EIF5A2: variants seen among roughly 807,000 people sequenced by gnomAD.
The protein encoded by EIF5A2 is eukaryotic translation initiation factor 5A-2.
A neutral mutation model predicts 16.4 loss-of-function variants in EIF5A2; 15 were observed. The observed-to-expected ratio is 0.92, with a 90% confidence interval of 0.61 to 1.41. The LOEUF (loss-of-function observed/expected upper bound fraction) is 1.41. EIF5A2 is among the 40% of genes most tolerant of loss of function. The probability of loss-of-function intolerance (pLI) is 0.00; values close to 1 mark genes in which losing one functional copy is unlikely to be tolerated. For missense variants in EIF5A2, 144 were observed against 189.5 expected, an observed-to-expected ratio of 0.76 and a Z score of 1.41; for synonymous variants, 48 against 61.1, an observed-to-expected ratio of 0.79 and a Z score of 1.00.
intron 3 of EIF5A2, among the ~76,000 whole-genome samples, chr3:170,901,774 T>G (rs186494654): frequency 6.6e-6 from 1 of 152,310 alleles, no homozygotes; most frequent in African/African-American, 2.4e-5. Flanking sequence ...TGAATTTAAT[T>G]TTGTTTCTCA....
In EIF5A2 at chr3:170,891,858, T is replaced by C. The variant is rs1461570930; in HGVS notation, c.*1502A>G. 6.6e-6 allele frequency: 1 copy of C among 152,586 alleles called. No individual in the cohort carries two copies. The highest frequency in any genetic ancestry group is 6.5e-5 in the Admixed American group (1 of 15,274). The allele number at this position is 152,586 out of a possible 1,614,324, so 9.5% of individuals were successfully genotyped here. ...AGAAATGCAGTGGTGTCACCTAAAA[T>C]ACCTTTTAAAATAATTCAGTTTATA... On this transcript the variant is annotated 3_prime_UTR_variant, in exon 5 of 5. Coordinates refer to ENST00000295822, the MANE Select transcript of EIF5A2 (RefSeq NM_020390.6).
rs144235995 is a variant in EIF5A2 at position 170,889,522 on chromosome 3, G to C, written c.*3838C>G. The stretch of plus-strand genomic sequence containing the variant: ...GTCTGAATGTTAGCAGAAAAAAAAG[G>C]CTTGAAAACTATGAAATATTATGCC... On this transcript the variant is annotated 3_prime_UTR_variant, in exon 5 of 5. Coordinates refer to ENST00000295822, the MANE Select transcript of EIF5A2 (RefSeq NM_020390.6). 10 of 152,306 alleles carry C rather than the reference G, an allele frequency of 6.6e-5. No homozygotes were observed. Among genetic ancestry groups the C allele is most frequent in the Non-Finnish European group, 1.0e-4 (7 of 67,946 alleles). 9.4% of individuals were successfully genotyped at this position (152,306 alleles called of 1,614,324 possible).
At chr3:170,893,953 C>T (rs1712600996) in intron 4 of EIF5A2, among the ~76,000 whole-genome samples, 2 of 152,058 alleles carry the variant, frequency 1.3e-5, no homozygotes, top group South Asian at 2.1e-4. Flanking sequence ...ATCGCTTGAA[C>T]CTGGGACGCG....
chr3:170,889,035 T>C lies in EIF5A2; in HGVS notation c.*4325A>G, dbSNP rs913354876. 3.0e-5 allele frequency: 4 copies of C among 133,418 alleles called. No homozygotes were observed. The highest frequency in any genetic ancestry group is 4.7e-5 in the Non-Finnish European group (3 of 63,354). 8.3% of individuals were successfully genotyped at this position (133,418 alleles called of 1,614,324 possible). ...AACAGTTTTAGGGACTTCATATAAA[T>C]ACAATAACCTGTCTTTTTTTTTTTT... On this transcript the variant is annotated 3_prime_UTR_variant, in exon 5 of 5. Transcript: ENST00000295822.
Position 170,888,953 on chromosome 3 carries a change from G to GT in EIF5A2, c.*4406dup, listed in dbSNP as rs145717207. On this transcript the variant is annotated 3_prime_UTR_variant, in exon 5 of 5. Coordinates refer to ENST00000295822, the MANE Select transcript of EIF5A2 (RefSeq NM_020390.6). Reference sequence around the variant, plus strand: ...CGGTCATTGCTGAAAATAGTCCAGAGTTTTTTAAAAAGTGCAATCTTGAAC... The same window carrying GT: ...CGGTCATTGCTGAAAATAGTCCAGAGTTTTTTTAAAAAGTGCAATCTTGAAC... The GT allele has an allele frequency of 1.4e-5, 2 of 147,738 alleles. No individual in the cohort carries two copies. The highest frequency in any genetic ancestry group is 2.1e-4 in the East Asian group (1 of 4,844). 9.2% of individuals were successfully genotyped at this position (147,738 alleles called of 1,614,324 possible). A position where few individuals can be genotyped will look rare whatever the true frequency, so the allele number is the denominator to read the frequency against.
Position 170,892,711 on chromosome 3 carries a change from A to T in EIF5A2, c.*649T>A. Reference sequence around the variant, plus strand: ...TAATCTTACTTGCTAACTAACTTTCACCCAACAGTTCAGTGCCCTTCTGCC... The same window carrying T: ...TAATCTTACTTGCTAACTAACTTTCTCCCAACAGTTCAGTGCCCTTCTGCC... On this transcript the variant is annotated 3_prime_UTR_variant, in exon 5 of 5. Coordinates refer to ENST00000295822, the MANE Select transcript of EIF5A2 (RefSeq NM_020390.6). 1 of 398,486 alleles carries T rather than the reference A, an allele frequency of 2.5e-6. No homozygotes were observed. Among genetic ancestry groups the T allele is most frequent in the East Asian group, 3.6e-5 (1 of 28,048 alleles). The allele number at this position is 398,486 out of a possible 1,614,324, so 24.7% of individuals were successfully genotyped here.
intron 3 of EIF5A2, among the ~76,000 whole-genome samples, chr3:170,900,759 C>T (rs552877987): frequency 6.6e-6 from 1 of 151,994 alleles, no homozygotes; most frequent in Non-Finnish European, 1.5e-5. Context: ...AATACACCCA[C>T]CCCCGCTACA....
In EIF5A2 at chr3:170,889,701, A is replaced by G. The variant is rs1712483377; in HGVS notation, c.*3659T>C. The G allele has an allele frequency of 6.6e-6, 1 of 152,550 alleles. No individual in the cohort carries two copies. The highest frequency in any genetic ancestry group is 2.4e-5 in the African/African-American group (1 of 41,452). The allele number at this position is 152,550 out of a possible 1,614,324, so 9.4% of individuals were successfully genotyped here. On this transcript the variant is annotated 3_prime_UTR_variant, in exon 5 of 5. Transcript: ENST00000295822. ...ACAGAATTCAGTATGTAAACATTTC[A>G]GTGTACCCAAAAAAGCATTATGAAT... is the stretch of plus-strand genomic sequence containing the variant.
intron 3 of EIF5A2, among the ~76,000 whole-genome samples, chr3:170,899,927 T>C (rs1485404218): frequency 6.6e-6 from 1 of 150,758 alleles, no homozygotes; most frequent in Non-Finnish European, 1.5e-5. Flanking sequence ...TTAGATGTTT[T>C]TGAACATTTT....
At position 170,893,343 on chromosome 3, in the gene EIF5A2, A is replaced by T; in HGVS notation, c.*17T>A. The T allele has an allele frequency of 6.2e-7, 1 of 1,613,724 alleles. No individual in the cohort carries two copies. Among genetic ancestry groups the T allele is most frequent in the Non-Finnish European group, 8.5e-7 (1 of 1,179,844 alleles). The stretch of plus-strand genomic sequence containing the variant: ...GTTGATTCAGACATAAACAGTGTTC[A>T]TGCCTGATGTTTCCGTTTATTTGCA... On this transcript the variant is annotated 3_prime_UTR_variant, in exon 5 of 5. Transcript: ENST00000295822.
chr3:170,907,188 TTC>T, intron 2 of EIF5A2, 95 bp from the exon 3 acceptor site: 1 of 728,252 alleles, frequency 1.4e-6, no homozygotes, highest in South Asian at 2.6e-5. Context: ...TTACAACAGA[TTC>T]TTTTTCTCCT....
intron 3 of EIF5A2, among the ~76,000 whole-genome samples, chr3:170,902,564 C>T (rs544464754): frequency 7.4e-5 from 11 of 149,282 alleles, no homozygotes; most frequent in East Asian, 5.9e-4. Flanking sequence ...CCACCACACC[C>T]GGCTAATTTT....
chr3:170,893,232 C>G lies in EIF5A2; in HGVS notation c.*128G>C. Reference sequence around the variant, plus strand: ...AATTGCTTGCAAAACTAACCCAGCACAATCTGAAAACAATTAAAAAAAGAA... The same window carrying G: ...AATTGCTTGCAAAACTAACCCAGCAGAATCTGAAAACAATTAAAAAAAGAA... On this transcript the variant is annotated 3_prime_UTR_variant, in exon 5 of 5. Transcript: ENST00000295822. 1 of 840,972 alleles carries G rather than the reference C, an allele frequency of 1.2e-6. No individual in the cohort carries two copies. The highest frequency in any genetic ancestry group is 1.7e-6 in the Non-Finnish European group (1 of 584,398). The allele number at this position is 840,972 out of a possible 1,614,324, so 52.1% of individuals were successfully genotyped here.
intron 3 of EIF5A2, among the ~76,000 whole-genome samples, chr3:170,899,924 T>G (rs1712767738): frequency 1.3e-5 from 2 of 150,628 alleles, no homozygotes; most frequent in Non-Finnish European, 3.0e-5. Context: ...CTTTTAGATG[T>G]TTTTGAACAT....
rs1712514373 is a variant in EIF5A2 at position 170,890,787 on chromosome 3, CT to C, written c.*2572del. The C allele has an allele frequency of 6.6e-6, 1 of 152,520 alleles. No homozygotes were observed. Among genetic ancestry groups the C allele is most frequent in the Admixed American group, 6.5e-5 (1 of 15,268 alleles). The allele number at this position is 152,520 out of a possible 1,614,324, so 9.4% of individuals were successfully genotyped here. On this transcript the variant is annotated 3_prime_UTR_variant, in exon 5 of 5. Coordinates refer to ENST00000295822, the MANE Select transcript of EIF5A2 (RefSeq NM_020390.6). ...AAGTACAACAAATATTGGGAATCAA[CT>C]TTAACATTTCTGATGTCTAAAAAGA...
chr3:170,898,471 A>C (rs1712727138), intron 3 of EIF5A2, among the ~76,000 whole-genome samples: 1 of 152,084 alleles, frequency 6.6e-6, no homozygotes, highest in South Asian at 2.1e-4. Flanking sequence ...TTCTCATGAG[A>C]TCTGATGGCT....
In EIF5A2 at chr3:170,891,450, T is replaced by C. The variant is rs1712533643; in HGVS notation, c.*1910A>G. On this transcript the variant is annotated 3_prime_UTR_variant, in exon 5 of 5. Transcript: ENST00000295822. ...TCTTGTGCTTTAGAAATTTCCTTTG[T>C]ATTTCTCTTAAAGTATCTTGCTTCT... The C allele has an allele frequency of 3.3e-5, 5 of 152,666 alleles. No individual in the cohort carries two copies. Among genetic ancestry groups the C allele is most frequent in the South Asian group, 4.1e-4 (2 of 4,830 alleles). 9.5% of individuals were successfully genotyped at this position (152,666 alleles called of 1,614,324 possible).
rs1162591962 is a variant in EIF5A2, at chr3:170,892,996, A to G, written c.*364T>C. On this transcript the variant is annotated 3_prime_UTR_variant, in exon 5 of 5. Coordinates refer to ENST00000295822, the MANE Select transcript of EIF5A2 (RefSeq NM_020390.6). ...CAGTTCAACTTAAATATGGTACTTCAATACCACTTTATGCTACATTGTTTG... is the reference window on the plus strand; with the variant it reads ...CAGTTCAACTTAAATATGGTACTTCGATACCACTTTATGCTACATTGTTTG... The G allele has an allele frequency of 2.5e-6, 1 of 406,582 alleles. No homozygotes were observed. The highest frequency in any genetic ancestry group is 4.3e-6 in the Non-Finnish European group (1 of 231,704). 25.2% of individuals were successfully genotyped at this position (406,582 alleles called of 1,614,324 possible). A position where few individuals can be genotyped will look rare whatever the true frequency, so the allele number is the denominator to read the frequency against.
In EIF5A2 at chr3:170,890,820, T is replaced by A. The variant is rs1712515026; in HGVS notation, c.*2540A>T. 6.6e-6 allele frequency: 1 copy of A among 152,582 alleles called. No homozygotes were observed. Among genetic ancestry groups the A allele is most frequent in the Non-Finnish European group, 1.5e-5 (1 of 67,996 alleles). The allele number at this position is 152,582 out of a possible 1,614,324, so 9.5% of individuals were successfully genotyped here. On this transcript the variant is annotated 3_prime_UTR_variant, in exon 5 of 5. Coordinates refer to ENST00000295822, the MANE Select transcript of EIF5A2 (RefSeq NM_020390.6). ...TTTCTGATGTCTAAAAAGAATGAAG[T>A]CACTTCTGTTCTATGTTAAAAAATA... is the stretch of plus-strand genomic sequence containing the variant.
Sources: allele counts gnomAD v4.1 joint callset (sites outside exome capture counted in the v4.1 genomes callset), GRCh38; gene constraint gnomAD v4.1.1; transcripts MANE v1.5; gene names NCBI Gene and HGNC (gene_info 2026-07-23, HGNC 2026-07-21).